Variants in KLF8 observed in about 807,000 individuals in gnomAD.
KLF8 encodes KLF transcription factor 8.
KLF8 carries 10 observed loss-of-function variants against 18.2 expected under a neutral mutation model. That is an observed-to-expected ratio of 0.55 (90% CI 0.34 to 0.93). KLF8 has a LOEUF of 0.93. KLF8 is among the 40% of genes least tolerant of loss of function. The probability of loss-of-function intolerance (pLI) is 0.02; values close to 1 mark genes in which losing one functional copy is unlikely to be tolerated. For synonymous variants in KLF8, 109 were observed against 97.3 expected, an observed-to-expected ratio of 1.12 and a Z score of -0.71; for missense variants, 264 against 277.9, an observed-to-expected ratio of 0.95 and a Z score of 0.36.
At chrX:56,149,826 C>T in the KLF8 span, among the ~76,000 whole-genome samples, 4 of 110,293 alleles carry the variant, frequency 3.6e-5, no homozygotes, top group South Asian at 1.6e-3. Context: ...TAAGAAAAGC[C>T]CCCTCCCAAT....
At chrX:55,979,544 G>T in the KLF8 span, among the ~76,000 whole-genome samples, 10 of 111,820 alleles carry the variant, frequency 8.9e-5, no homozygotes, top group African/African-American at 3.3e-4. Flanking sequence ...TTGGTACCTT[G>T]TACTATCTTT....
At chrX:56,148,224 T>A in the KLF8 span, among the ~76,000 whole-genome samples, 1 of 111,541 alleles carries the variant, frequency 9.0e-6, no homozygotes, top group Non-Finnish European at 1.9e-5. Context: ...TAAAAGATAA[T>A]TTAAAACCCT....
At chrX:56,117,625 C>T in the KLF8 span, among the ~76,000 whole-genome samples, 2 of 112,159 alleles carry the variant, frequency 1.8e-5, no homozygotes, top group Non-Finnish European at 3.8e-5. Flanking sequence ...CTTTCAGATA[C>T]TCATATGTAA....
At chrX:56,132,848 A>T in the KLF8 span, among the ~76,000 whole-genome samples, 5 of 111,859 alleles carry the variant, frequency 4.5e-5, no homozygotes, top group African/African-American at 1.6e-4. Flanking sequence ...AACCAGCACC[A>T]TAGAAATATG....
chrX:55,920,055 C>T, the KLF8 span, among the ~76,000 whole-genome samples: 2 of 112,280 alleles, frequency 1.8e-5, no homozygotes, highest in African/African-American at 6.5e-5. Context: ...CTGGTATCCA[C>T]GGCTACAAGA....
chrX:56,280,632 C>A (rs2067188643), intron 5 of KLF8, among the ~76,000 whole-genome samples: 1 of 112,056 alleles, frequency 8.9e-6, no homozygotes, highest in East Asian at 2.8e-4. Context: ...TATTGTGAAA[C>A]TAGTGTCTTG....
At chrX:55,940,772 C>A in the KLF8 span, among the ~76,000 whole-genome samples, 3 of 111,487 alleles carry the variant, frequency 2.7e-5, no homozygotes, top group African/African-American at 9.8e-5. Context: ...CTCCCATTCA[C>A]AATTGCTTCA....
chrX:55,986,575 A>T, the KLF8 span, among the ~76,000 whole-genome samples: 1 of 112,137 alleles, frequency 8.9e-6, no homozygotes, highest in East Asian at 2.8e-4. Context: ...TGCAACTTTC[A>T]TTCTTCTCTG....
chrX:55,995,260 T>G, the KLF8 span, among the ~76,000 whole-genome samples: 1 of 112,769 alleles, frequency 8.9e-6, no homozygotes, highest in African/African-American at 3.2e-5. Flanking sequence ...TCATTCACTT[T>G]ACTTTGAGTC....
intron 2 of KLF8, among the ~76,000 whole-genome samples, chrX:56,251,358 T>C (rs187036068): frequency 3.6e-4 from 41 of 112,885 alleles, no homozygotes; most frequent in African/African-American, 1.3e-3. Flanking sequence ...AATACTTGTC[T>C]GTTTCTTTAT....
Position 56,265,447 on chromosome X carries a change from C to A in KLF8, c.349C>A (p.Pro117Thr), listed in dbSNP as rs1383363632. ...PIRPPKPQSS[P>T]QTLVVSTSTS... ...ACGTCCCCCCAAGCCACAGTCTTCTCCCCAGACCCTTGTGGTGTCCACGTC... is the reference window on the plus strand; with the variant it reads ...ACGTCCCCCCAAGCCACAGTCTTCTACCCAGACCCTTGTGGTGTCCACGTC... The change falls in exon 3 of 6, where the codon CCC becomes ACC. Residue 117 changes from proline to threonine, a missense_variant. By Grantham distance (38) the Pro-to-Thr change is conservative (BLOSUM62 -1). Around this residue, in one of 2 missense-constraint regions of KLF8, gnomAD observed 221 missense variants for 193.6 expected, o/e 1.14. Coordinates refer to ENST00000468660, the MANE Select transcript of KLF8 (RefSeq NM_007250.5). 8.3e-7 allele frequency: 1 copy of A among 1,210,149 alleles called. No homozygotes were observed. Among genetic ancestry groups the A allele is most frequent in the African/African-American group, 1.7e-5 (1 of 57,244 alleles).
the KLF8 span, among the ~76,000 whole-genome samples, chrX:56,114,183 A>G: frequency 8.9e-6 from 1 of 112,141 alleles, no homozygotes; most frequent in African/African-American, 3.2e-5. Context: ...GGGAGTTCCT[A>G]CTGATCCAAA....
the KLF8 span, among the ~76,000 whole-genome samples, chrX:56,139,240 C>T: frequency 8.9e-6 from 1 of 111,862 alleles, no homozygotes; most frequent in Non-Finnish European, 1.9e-5. Flanking sequence ...AAGCAATTTA[C>T]AAATACAATG....
At chrX:55,978,697 G>A in the KLF8 span, among the ~76,000 whole-genome samples, 1 of 111,426 alleles carries the variant, frequency 9.0e-6, no homozygotes, top group Non-Finnish European at 1.9e-5. Flanking sequence ...AACAACCTGA[G>A]TTTTTATTAT....
At chrX:56,014,734 C>T in the KLF8 span, 1 of 110,433 alleles carries the variant, frequency 9.1e-6, no homozygotes, top group Non-Finnish European at 1.9e-5. Flanking sequence ...ACACACACGC[C>T]CATCAGTGAT....
the KLF8 span, among the ~76,000 whole-genome samples, chrX:55,949,977 A>C: frequency 9.0e-6 from 1 of 111,105 alleles, no homozygotes; most frequent in Non-Finnish European, 1.9e-5. Context: ...GTAGTAGTAT[A>C]ATATGCCAAT....
At chrX:56,110,202 G>A in the KLF8 span, among the ~76,000 whole-genome samples, 1 of 111,744 alleles carries the variant, frequency 8.9e-6, no homozygotes, top group Non-Finnish European at 1.9e-5. Flanking sequence ...CATTTGGGTT[G>A]ATTCCATGTC....
chrX:56,122,385 G>C, the KLF8 span, among the ~76,000 whole-genome samples: 27 of 111,496 alleles, frequency 2.4e-4, no homozygotes, highest in Admixed American at 2.1e-3. Flanking sequence ...CTGTCAAAAT[G>C]ATGCTACCAT....
At chrX:56,096,575 A>G in the KLF8 span, among the ~76,000 whole-genome samples, 1 of 111,890 alleles carries the variant, frequency 8.9e-6, no homozygotes, top group Non-Finnish European at 1.9e-5. Context: ...ATGAATGTAT[A>G]TATTAAAGAT....
Sources: allele counts gnomAD v4.1 joint callset (sites outside exome capture counted in the v4.1 genomes callset), GRCh38; gene constraint gnomAD v4.1.1; regional missense constraint gnomAD v4.1.1; transcripts MANE v1.5; gene names NCBI Gene and HGNC (gene_info 2026-07-23, HGNC 2026-07-21).